SPAG16: variants seen among roughly 807,000 people sequenced by gnomAD.
SPAG16 encodes the protein sperm associated antigen 16, also known as sperm-associated antigen 16 protein.
In SPAG16, 86 loss-of-function variants were observed where a neutral mutation model predicts 80.4. The observed-to-expected ratio is 1.07, with a 90% CI of 0.90 to 1.28. The LOEUF is 1.28. Ranked by LOEUF, SPAG16 falls within the 50% of genes most tolerant of loss-of-function variation. SPAG16 has a pLI of 0.00. For synonymous variants in SPAG16, 294 were observed against 265.9 expected (o/e 1.11, Z -1.03); for missense variants, 870 against 765.3 (o/e 1.14, Z -1.61).
intron 15 of SPAG16, among the ~76,000 whole-genome samples, chr2:214,365,189 T>C (rs747517461): frequency 1.8e-4 from 27 of 152,110 alleles, no homozygotes; most frequent in Admixed American, 3.3e-4. Context: ...AAGCATGAGT[T>C]TGTGGGAGAA....
At chr2:213,307,162 A>T (rs947206437) in intron 3 of SPAG16, among the ~76,000 whole-genome samples, 2 of 152,178 alleles carry the variant, frequency 1.3e-5, no homozygotes, top group Non-Finnish European at 2.9e-5. Context: ...AGCAGCTATC[A>T]GTAATAAACA....
intron 10 of SPAG16, among the ~76,000 whole-genome samples, chr2:213,492,251 GTTC>G (rs2074270202): frequency 6.6e-6 from 1 of 152,082 alleles, no homozygotes; most frequent in Non-Finnish European, 1.5e-5. Context: ...CATAATCTGT[GTTC>G]TTAATTTTAA....
chr2:213,341,558 A>G (rs1266861659), intron 6 of SPAG16, among the ~76,000 whole-genome samples: 1 of 151,936 alleles, frequency 6.6e-6, no homozygotes, highest in Non-Finnish European at 1.5e-5. Context: ...TTAGAGTCAG[A>G]CTCTCATTCT....
In SPAG16 at chr2:213,447,932, A is replaced by T. The variant is rs550072709; in HGVS notation, c.943-42031A>T. ...TTTAATTAATGAAGTGTTAAAACAA[A>T]TTCTCAAAAGATCTAAGAGATTTGT... On this transcript the variant is annotated intron_variant, in intron 9 of 15. Coordinates refer to ENST00000331683, the MANE Select transcript of SPAG16 (RefSeq NM_024532.5). Among the ~76,000 whole-genome samples, 158 of 152,360 alleles carry T rather than the reference A, an allele frequency of 1.0e-3. 1 individual carries two copies. Among genetic ancestry groups the T allele is most frequent in the African/African-American group, 3.6e-3 (150 of 41,586 alleles).
At chr2:213,331,953 T>C (rs1394857516) in intron 5 of SPAG16, among the ~76,000 whole-genome samples, 3 of 151,840 alleles carry the variant, frequency 2.0e-5, no homozygotes, top group Non-Finnish European at 4.4e-5. Context: ...AAACTTCAAA[T>C]AAATTACCTA....
In SPAG16 at chr2:213,842,258, A is replaced by G. The variant is rs997632917; in HGVS notation, c.1071-20227A>G. Among the ~76,000 whole-genome samples the G allele has an allele frequency of 5.9e-5, 9 of 152,308 alleles. 1 individual carries two copies. The South Asian group carries it at 6.2e-4, about 11-fold the overall frequency. ...GAACTAAAAACTTAAGTCTAATAAC[A>G]TATCGTAGCAGATATATTGTGCACT... On this transcript the variant is annotated intron_variant, in intron 10 of 15. Coordinates refer to ENST00000331683, the MANE Select transcript of SPAG16 (RefSeq NM_024532.5).
intron 14 of SPAG16, among the ~76,000 whole-genome samples, chr2:214,112,416 A>G (rs1201114604): frequency 3.3e-5 from 5 of 152,036 alleles, no homozygotes; most frequent in African/African-American, 1.2e-4. Context: ...TGGGGTGTTA[A>G]AGTCTCCCAT....
intron 15 of SPAG16, among the ~76,000 whole-genome samples, chr2:214,299,570 T>C (rs1037189465): frequency 2.6e-5 from 4 of 152,100 alleles, no homozygotes; most frequent in African/African-American, 9.7e-5. Flanking sequence ...ACCACAATTG[T>C]TTCCAGTCTC....
chr2:213,953,634 A>G (rs1221897246), intron 12 of SPAG16, among the ~76,000 whole-genome samples: 2 of 151,962 alleles, frequency 1.3e-5, no homozygotes, highest in Non-Finnish European at 2.9e-5. Flanking sequence ...AAATTTTTAA[A>G]TTATTAGCAT....
chr2:213,666,294 T>G (rs1382198121), intron 10 of SPAG16, among the ~76,000 whole-genome samples: 2 of 152,138 alleles, frequency 1.3e-5, no homozygotes, highest in Non-Finnish European at 2.9e-5. Context: ...ATTTTCCCTC[T>G]TGGTCAATCA....
rs138300607 is a variant in SPAG16 at position 214,329,257 on chromosome 2, C to G, written c.1721-80883C>G. Among the ~76,000 whole-genome samples the G allele has an allele frequency of 3.7e-3, 566 of 151,386 alleles. 3 individuals are homozygous for G. The highest frequency in any genetic ancestry group is 5.5e-3 in the Non-Finnish European group (373 of 67,924). ...ACAGCAGAAAATCAAGTTCAAAACA[C>G]TCAAGTTATTTACAATCCTTTGGTG... On this transcript the variant is annotated intron_variant, in intron 15 of 15. Coordinates refer to ENST00000331683, the MANE Select transcript of SPAG16 (RefSeq NM_024532.5).
At chr2:214,160,872 TG>T (rs1436622829) in intron 15 of SPAG16, among the ~76,000 whole-genome samples, 7 of 152,124 alleles carry the variant, frequency 4.6e-5, no homozygotes, top group African/African-American at 1.7e-4. Flanking sequence ...TATCCATTGC[TG>T]TAATGATGGA....
intron 9 of SPAG16, among the ~76,000 whole-genome samples, chr2:213,383,739 A>T (rs776211310): frequency 2.6e-4 from 40 of 152,192 alleles, no homozygotes; most frequent in Non-Finnish European, 3.8e-4. Flanking sequence ...TAATCATAAC[A>T]CACAAAGCTT....
chr2:214,122,433 A>G (rs2054267219), intron 14 of SPAG16, among the ~76,000 whole-genome samples: 1 of 151,846 alleles, frequency 6.6e-6, no homozygotes, highest in African/African-American at 2.4e-5. Context: ...AAAACCAGTG[A>G]TAAACAAAAA....
chr2:213,371,665 AATTG>A (rs1434774733), intron 8 of SPAG16, among the ~76,000 whole-genome samples: 1 of 151,216 alleles, frequency 6.6e-6, no homozygotes, highest in East Asian at 2.0e-4. Flanking sequence ...GAAAACAACA[AATTG>A]ATTGTCATTT....
intron 10 of SPAG16, among the ~76,000 whole-genome samples, chr2:213,593,746 C>G (rs1425229938): frequency 2.0e-5 from 1 of 50,136 alleles, no homozygotes; most frequent in Non-Finnish European, 5.0e-5. Context: ...CCCACCACAT[C>G]TTTTTTTTTT....
intron 15 of SPAG16, among the ~76,000 whole-genome samples, chr2:214,275,133 A>G (rs965387197): frequency 1.3e-5 from 2 of 152,144 alleles, no homozygotes; most frequent in Non-Finnish European, 2.9e-5. Context: ...CTGTGGGATC[A>G]GTGGTGATAT....
rs10175550 is a variant in SPAG16, at chr2:214,344,042, T to C, written c.1721-66098T>C. 7.7e-3 allele frequency among the ~76,000 whole-genome samples: 1,180 copies of C among 152,280 alleles called. 16 individuals carry two copies. The highest frequency in any genetic ancestry group is 0.027 in the African/African-American group (1,129 of 41,568). Reference sequence around the variant, plus strand: ...GGTGTCCATTTCTACAATATAACTTTTCTTTTTTCTCAACCCTCATACTTT... The same window carrying C: ...GGTGTCCATTTCTACAATATAACTTCTCTTTTTTCTCAACCCTCATACTTT... On this transcript the variant is annotated intron_variant, in intron 15 of 15. Coordinates refer to ENST00000331683, the MANE Select transcript of SPAG16 (RefSeq NM_024532.5).
chr2:213,626,641 A>ATTTTTTTTTTTTTTTTTTTTTTTT (rs10582370), intron 10 of SPAG16, among the ~76,000 whole-genome samples: 2 of 98,980 alleles, frequency 2.0e-5, no homozygotes, highest in Non-Finnish European at 3.9e-5. Flanking sequence ...ATCGGGCTCA[A>ATTTTTTTTTTTTTTTTTTTTTTTT]TTTTTTTTTT....
Sources: allele counts gnomAD v4.1 joint callset (sites outside exome capture counted in the v4.1 genomes callset), GRCh38; gene constraint gnomAD v4.1.1; transcripts MANE v1.5; gene names NCBI Gene and HGNC (gene_info 2026-07-23, HGNC 2026-07-21).